CCR3: variants seen among roughly 807,000 people sequenced by gnomAD.
The protein encoded by CCR3 is C-C chemokine receptor type 3.
For synonymous variants in CCR3, 203 were observed against 179.2 expected (o/e 1.13, Z -1.06); for missense variants, 419 against 437.5 (o/e 0.96, Z 0.38).
At chr3:46,259,527 A>C (rs1397008102) in intron 1 of CCR3, among the ~76,000 whole-genome samples, 1 of 152,218 alleles carries the variant, frequency 6.6e-6, no homozygotes, top group Non-Finnish European at 1.5e-5. Context: ...ACATATTAAT[A>C]AGATATATCT....
At chr3:46,247,320 G>A (rs1052750973) in intron 1 of CCR3, among the ~76,000 whole-genome samples, 1 of 152,120 alleles carries the variant, frequency 6.6e-6, no homozygotes, top group African/African-American at 2.4e-5. Context: ...ACAGTCTAAG[G>A]TGGTCCGGTG....
At chr3:46,239,060 C>A (rs1700051611), upstream of CCR3, among the ~76,000 whole-genome samples, 1 of 152,062 alleles carries the variant, frequency 6.6e-6, no homozygotes, top group Non-Finnish European at 1.5e-5. Context: ...TTGACCTGTA[C>A]CCTTAAAATG....
chr3:46,227,405 A>G (rs1211181311), intron 2 of CCR3, among the ~76,000 whole-genome samples: 1 of 151,902 alleles, frequency 6.6e-6, no homozygotes, highest in Non-Finnish European at 1.5e-5. Context: ...CTAGAGGTTT[A>G]TCACTTTTCT....
intron 1 of CCR3, among the ~76,000 whole-genome samples, chr3:46,246,477 T>G (rs1010747102): frequency 2.1e-5 from 3 of 145,456 alleles, no homozygotes; most frequent in East Asian, 2.0e-4. Flanking sequence ...GGAGTGGGGG[T>G]CGCAAGGTGC....
At chr3:46,230,323 CA>C (rs1699947382) in intron 2 of CCR3, among the ~76,000 whole-genome samples, 1 of 152,112 alleles carries the variant, frequency 6.6e-6, no homozygotes, top group South Asian at 2.1e-4. Flanking sequence ...ACATAAAATT[CA>C]ACTCCTGAAT....
At chr3:46,259,105 A>T (rs924592996) in intron 1 of CCR3, among the ~76,000 whole-genome samples, 1 of 152,232 alleles carries the variant, frequency 6.6e-6, no homozygotes, top group African/African-American at 2.4e-5. Flanking sequence ...ACATGCACAA[A>T]AGATGTTCAT....
At chr3:46,232,430 GAC>G (rs970831577) in intron 2 of CCR3, among the ~76,000 whole-genome samples, 1 of 152,204 alleles carries the variant, frequency 6.6e-6, no homozygotes. Context: ...AGCGGTAGTA[GAC>G]GCATCCTAGA....
At chr3:46,212,023 C>T (rs1289649851) in intron 2 of CCR3, among the ~76,000 whole-genome samples, 1 of 152,180 alleles carries the variant, frequency 6.6e-6, no homozygotes, top group Non-Finnish European at 1.5e-5. Context: ...CCTCTTCCTT[C>T]TCACCTATTT....
upstream of CCR3, among the ~76,000 whole-genome samples, chr3:46,238,393 A>C (rs1215416265): frequency 6.6e-6 from 1 of 151,958 alleles, no homozygotes; most frequent in Non-Finnish European, 1.5e-5. Context: ...TGGAATATCT[A>C]TTCAGATCTT....
At chr3:46,247,920 G>A (rs1344497286) in intron 1 of CCR3, among the ~76,000 whole-genome samples, 10 of 152,172 alleles carry the variant, frequency 6.6e-5, no homozygotes, top group Admixed American at 5.9e-4. Context: ...ATGGAACACT[G>A]AGAAGTGATT....
chr3:46,256,405 A>C (rs1559536746), intron 1 of CCR3, among the ~76,000 whole-genome samples: 1 of 136,618 alleles, frequency 7.3e-6, no homozygotes, highest in South Asian at 2.8e-4. Flanking sequence ...AAATCCAGAA[A>C]GACTAAAATT....
chr3:46,248,825 AG>A (rs1465546926), intron 1 of CCR3, among the ~76,000 whole-genome samples: 3 of 152,128 alleles, frequency 2.0e-5, no homozygotes, highest in Non-Finnish European at 4.4e-5. Flanking sequence ...TAGTAGAGGG[AG>A]GTATTGAGGA....
chr3:46,258,739 G>T (rs946486921), intron 1 of CCR3, among the ~76,000 whole-genome samples: 1 of 152,102 alleles, frequency 6.6e-6, no homozygotes, highest in African/African-American at 2.4e-5. Context: ...TGAGTTAGTG[G>T]CTGCTGACAA....
intron 1 of CCR3, among the ~76,000 whole-genome samples, chr3:46,244,706 C>T (rs548373618): frequency 3.3e-5 from 5 of 152,252 alleles, no homozygotes; most frequent in Non-Finnish European, 4.4e-5. Context: ...TCAGTTAAGG[C>T]GGGGCAGGGC....
chr3:46,223,833 T>C (rs1370435734), intron 2 of CCR3, among the ~76,000 whole-genome samples: 1 of 152,174 alleles, frequency 6.6e-6, no homozygotes, highest in Non-Finnish European at 1.5e-5. Flanking sequence ...GACAGGGTGC[T>C]GGTGCAGGTA....
At chr3:46,253,500 G>T (rs188706523) in intron 1 of CCR3, among the ~76,000 whole-genome samples, 1 of 152,156 alleles carries the variant, frequency 6.6e-6, no homozygotes, top group East Asian at 1.9e-4. Context: ...CATTTCAATT[G>T]GTCAATGTTT....
chr3:46,244,380 G>C (rs1350788128), intron 1 of CCR3, among the ~76,000 whole-genome samples: 1 of 152,142 alleles, frequency 6.6e-6, no homozygotes, highest in Non-Finnish European at 1.5e-5. Context: ...TTTCATGCGC[G>C]TCCGTGTGAA....
Position 46,233,435 on chromosome 3 carries a change from A to G in CCR3, c.-67-8967A>G, listed in dbSNP as rs141809579. Among the ~76,000 whole-genome samples the G allele has an allele frequency of 1.3e-3, 203 of 152,154 alleles. 2 individuals carry two copies. The Middle Eastern group carries it at 0.014, about 10-fold the overall frequency. ...CTTGACCTATGCTCTCCTGCAAAAT[A>G]TTGCTGACCCTTTCCTATTTCTGAG... On this transcript the variant is annotated intron_variant, in intron 2 of 3. Coordinates refer to the CCR3 transcript ENST00000357422.
upstream of CCR3, among the ~76,000 whole-genome samples, chr3:46,239,181 G>T (rs1020256891): frequency 7.9e-5 from 12 of 152,166 alleles, no homozygotes; most frequent in African/African-American, 2.9e-4. Context: ...AAAAAATGCT[G>T]TCCCGTCCTC....
Sources: allele counts gnomAD v4.1 joint callset (sites outside exome capture counted in the v4.1 genomes callset), GRCh38; gene constraint gnomAD v4.1.1; transcripts MANE v1.5; gene names NCBI Gene and HGNC (gene_info 2026-07-23, HGNC 2026-07-21).